RBFOX1: variants seen among roughly 807,000 people sequenced by gnomAD.
The protein encoded by RBFOX1 is RNA binding fox-1 homolog 1, also known as RNA binding protein fox-1 homolog 1.
In RBFOX1, 8 loss-of-function variants were observed where a neutral mutation model predicts 57.7. The observed-to-expected ratio is 0.14, with a 90% confidence interval of 0.08 to 0.25. The LOEUF is 0.25. Ranked by LOEUF, RBFOX1 falls within the 10% of genes least tolerant of loss-of-function variation. The pLI is 1.00. For missense variants in RBFOX1, 611 were observed against 548.5 expected (o/e 1.11, Z -1.14); for synonymous variants, 326 against 222.4 (o/e 1.47, Z -4.15).
intron 3 of RBFOX1, among the ~76,000 whole-genome samples, chr16:6,927,715 G>C (rs1378386838): frequency 3.6e-5 from 5 of 138,958 alleles, no homozygotes; most frequent in Admixed American, 1.4e-4. Context: ...CTGTAGCAAG[G>C]CTGATTATAA....
intron 3 of RBFOX1, among the ~76,000 whole-genome samples, chr16:6,973,881 C>T (rs1209154894): frequency 6.6e-6 from 1 of 152,130 alleles, no homozygotes; most frequent in East Asian, 1.9e-4. Flanking sequence ...AAGCTGTCAT[C>T]AACGTATTAA....
intron 4 of RBFOX1, among the ~76,000 whole-genome samples, chr16:7,128,676 T>C (rs1364819983): frequency 1.3e-5 from 2 of 152,134 alleles, no homozygotes; most frequent in African/African-American, 4.8e-5. Flanking sequence ...AAGTCCAGTT[T>C]GGATTCAGAG....
chr16:7,558,800 T>C (rs942664848), intron 5 of RBFOX1, among the ~76,000 whole-genome samples: 2 of 152,178 alleles, frequency 1.3e-5, no homozygotes, highest in Admixed American at 6.5e-5. Flanking sequence ...ATTGAGCCAA[T>C]GCCATAAGCC....
At chr16:6,971,733 G>C (rs993152471) in intron 3 of RBFOX1, among the ~76,000 whole-genome samples, 2 of 152,054 alleles carry the variant, frequency 1.3e-5, no homozygotes, top group South Asian at 2.1e-4. Flanking sequence ...GAGTGTGGAC[G>C]GATTGGGGAC....
At chr16:7,361,994 AGT>A (rs775514530) in intron 4 of RBFOX1, among the ~76,000 whole-genome samples, 1 of 149,350 alleles carries the variant, frequency 6.7e-6, no homozygotes, top group African/African-American at 2.5e-5. Context: ...TATGTGTGTT[AGT>A]GTGTGTATGA....
At chr16:6,560,518 C>A (rs190504164) in intron 2 of RBFOX1, among the ~76,000 whole-genome samples, 3 of 152,046 alleles carry the variant, frequency 2.0e-5, no homozygotes, top group Admixed American at 6.6e-5. Context: ...GTTCAAGAGA[C>A]AATAGAAGGG....
At chr16:6,416,474 G>T (rs879913087) in intron 2 of RBFOX1, among the ~76,000 whole-genome samples, 1 of 151,946 alleles carries the variant, frequency 6.6e-6, no homozygotes, top group Non-Finnish European at 1.5e-5. Flanking sequence ...CCTTCTCCTT[G>T]TCTTGTTCTT....
chr16:5,891,673 A>G (rs1007316446), intron 4 of RBFOX1, among the ~76,000 whole-genome samples: 10 of 152,132 alleles, frequency 6.6e-5, no homozygotes, highest in African/African-American at 1.2e-4. Context: ...GTGCCTAGGA[A>G]GAGCAGAGAC....
chr16:7,296,072 A>G (rs1411521065), intron 4 of RBFOX1, among the ~76,000 whole-genome samples: 3 of 152,020 alleles, frequency 2.0e-5, no homozygotes, highest in Non-Finnish European at 4.4e-5. Flanking sequence ...GCCTATGCTG[A>G]GAAGCACTTT....
At position 5,274,404 on chromosome 16, in the gene RBFOX1, C is replaced by T. The variant is rs2063091479; in HGVS notation, c.219+34299C>T. On this transcript the variant is annotated intron_variant, in intron 1 of 2. Transcript: ENST00000585867. Reference sequence around the variant, plus strand: ...ATTAGCCAGGCGTGGTCGTGGGTGCCTGTAGTCCCAGCTACTCTGGAGGCT... The same window carrying T: ...ATTAGCCAGGCGTGGTCGTGGGTGCTTGTAGTCCCAGCTACTCTGGAGGCT... 4.6e-5 allele frequency among the ~76,000 whole-genome samples: 7 copies of T among 152,254 alleles called. No homozygotes were observed. The South Asian group carries it at 1.5e-3, about 32-fold the overall frequency.
At chr16:6,811,577 A>T (rs757246081) in intron 3 of RBFOX1, among the ~76,000 whole-genome samples, 1 of 152,156 alleles carries the variant, frequency 6.6e-6, no homozygotes, top group Non-Finnish European at 1.5e-5. Flanking sequence ...AAGATTAGCA[A>T]CCTGGGTGCT....
chr16:6,927,505 A>T (rs2075816661), intron 3 of RBFOX1, among the ~76,000 whole-genome samples: 2 of 148,530 alleles, frequency 1.3e-5, no homozygotes, highest in South Asian at 4.3e-4. Flanking sequence ...TTCTTTCCAC[A>T]TGGAAGCTCC....
At chr16:7,163,162 A>G (rs1162486513) in intron 4 of RBFOX1, among the ~76,000 whole-genome samples, 1 of 152,032 alleles carries the variant, frequency 6.6e-6, no homozygotes, top group Non-Finnish European at 1.5e-5. Context: ...TTCTCATTTT[A>G]ATATTGGCCA....
At chr16:7,491,163 C>G (rs2066845529) in intron 4 of RBFOX1, among the ~76,000 whole-genome samples, 2 of 152,116 alleles carry the variant, frequency 1.3e-5, no homozygotes, top group Non-Finnish European at 2.9e-5. Flanking sequence ...GAGATTCGCT[C>G]TGAAGCCAAT....
chr16:6,186,446 C>T (rs1278811185), intron 1 of RBFOX1, among the ~76,000 whole-genome samples: 2 of 151,962 alleles, frequency 1.3e-5, no homozygotes, highest in Non-Finnish European at 2.9e-5. Context: ...TCATAAGGGT[C>T]TGTAAAGATA....
At chr16:6,997,979 A>C (rs942987288) in intron 3 of RBFOX1, among the ~76,000 whole-genome samples, 6 of 151,244 alleles carry the variant, frequency 4.0e-5, no homozygotes, top group Non-Finnish European at 7.3e-5. Context: ...ACAGCTTGGC[A>C]GTCCTAGCAA....
chr16:6,645,048 C>G (rs1483269814), intron 2 of RBFOX1, among the ~76,000 whole-genome samples: 1 of 152,166 alleles, frequency 6.6e-6, no homozygotes, highest in Non-Finnish European at 1.5e-5. Flanking sequence ...GCTCTCCCAG[C>G]AAAGGTTCTG....
At chr16:6,052,164 C>T (rs1178553695) in intron 1 of RBFOX1, among the ~76,000 whole-genome samples, 1 of 152,160 alleles carries the variant, frequency 6.6e-6, no homozygotes, top group Non-Finnish European at 1.5e-5. Flanking sequence ...CAACGCTGCT[C>T]CGGTTCTTGG....
chr16:6,991,402 C>A (rs887226140), intron 3 of RBFOX1, among the ~76,000 whole-genome samples: 2 of 152,152 alleles, frequency 1.3e-5, no homozygotes, highest in African/African-American at 4.8e-5. Context: ...AGCAACATTC[C>A]GTTTGGGCCT....
Sources: allele counts gnomAD v4.1 joint callset (sites outside exome capture counted in the v4.1 genomes callset), GRCh38; gene constraint gnomAD v4.1.1; transcripts MANE v1.5; gene names NCBI Gene and HGNC (gene_info 2026-07-23, HGNC 2026-07-21).